Variants in BAHD1 observed in about 807,000 individuals in gnomAD.
BAHD1 encodes bromo adjacent homology domain-containing 1 protein.
In BAHD1, 20 loss-of-function variants were observed where a neutral mutation model predicts 63.1. The ratio of observed to expected loss-of-function variants is 0.32; its 90% CI spans 0.22 to 0.46. The LOEUF (loss-of-function observed/expected upper bound fraction) is 0.46, where lower values mean the gene tolerates loss of function less well. Ranked by LOEUF, BAHD1 falls within the 20% of genes least tolerant of loss-of-function variation. The probability of loss-of-function intolerance (pLI) is 1.00; values close to 1 mark genes in which losing one functional copy is unlikely to be tolerated. For missense variants in BAHD1, 939 were observed against 1,071.8 expected, an observed-to-expected ratio of 0.88 and a Z score of 1.73; for synonymous variants, 408 against 426.8, an observed-to-expected ratio of 0.96 and a Z score of 0.54.
chr15:40,462,762 G>A (rs897071567), intron 3 of BAHD1, among the ~76,000 whole-genome samples: 2 of 152,170 alleles, frequency 1.3e-5, no homozygotes, highest in African/African-American at 4.8e-5. Flanking sequence ...GGTGGTGGAA[G>A]TGGTAAGATC....
rs1442733279 is a variant in BAHD1 at position 40,465,935 on chromosome 15, C to T, written c.2154-6C>T. ...AGTAAAGACAGTGAATGGTATCTCTCTACAGGTTCTGTGCCATGGCCAAGC... is the reference window on the plus strand; with the variant it reads ...AGTAAAGACAGTGAATGGTATCTCTTTACAGGTTCTGTGCCATGGCCAAGC... On this transcript the variant is annotated splice_polypyrimidine_tract_variant and splice_region_variant and intron_variant, in intron 6 of 6. Transcript: ENST00000416165. The T allele has an allele frequency of 6.3e-7, 1 of 1,577,986 alleles. No homozygotes were observed. The highest frequency in any genetic ancestry group is 1.4e-5 in the African/African-American group (1 of 73,800).
At chr15:40,464,228 C>T (rs1894137702) in intron 4 of BAHD1, 1 of 685,982 alleles carries the variant, frequency 1.5e-6, no homozygotes. Context: ...ATTAACCTTT[C>T]CAGCCAGCAG....
chr15:40,466,223 A>T lies in BAHD1; in HGVS notation c.*93A>T. 2 of 1,016,416 alleles carry T rather than the reference A, an allele frequency of 2.0e-6. No individual in the cohort carries two copies. Among genetic ancestry groups the T allele is most frequent in the East Asian group, 3.6e-5 (1 of 28,004 alleles). The allele number at this position is 1,016,416 out of a possible 1,614,324, so 63.0% of individuals were successfully genotyped here. A position where few individuals can be genotyped will look rare whatever the true frequency, so the allele number is the denominator to read the frequency against. On this transcript the variant is annotated 3_prime_UTR_variant, in exon 7 of 7. Transcript: ENST00000416165. ...GCACAGCACTTGGTTAGGGGGCCAC[A>T]GAGGCCTAAGTTTGCTGGCCTGTGG...
chr15:40,461,758 C>CT (rs781637105), intron 2 of BAHD1, among the ~76,000 whole-genome samples, 154 bp from the exon 3 acceptor site: 6 of 152,214 alleles, frequency 3.9e-5, no homozygotes, highest in Non-Finnish European at 5.9e-5. Flanking sequence ...GAGAGTCACT[C>CT]TGACAGTCCA....
intron 1 of BAHD1, among the ~76,000 whole-genome samples, chr15:40,457,062 G>C (rs758984725): frequency 1.3e-5 from 2 of 152,202 alleles, no homozygotes; most frequent in Non-Finnish European, 2.9e-5. Context: ...AGCAAAGTTA[G>C]GGGATGATGC....
Position 40,458,767 on chromosome 15 carries a change from C to A in BAHD1, c.303C>A (p.Ser101Arg). Residue 101 changes from serine (S) to arginine (R), a missense_variant, in exon 2 of 7, where the codon AGC becomes AGA. By Grantham distance (110) the Ser-to-Arg change is moderately radical. This residue lies in a region of BAHD1 where 797 missense variants were observed against 813.3 expected (regional missense o/e 0.98). Coordinates refer to ENST00000416165, the MANE Select transcript of BAHD1 (RefSeq NM_014952.5). The surrounding 1 kb of genome is among the most constrained non-coding windows in gnomAD (Gnocchi z 4.7). ...ELPPDLPKPP[S>R]PAPSSEDPGL... ...CGCCTGACCTGCCCAAGCCCCCCAGCCCGGCCCCATCCAGTGAAGACCCTG... is the reference window on the plus strand; with the variant it reads ...CGCCTGACCTGCCCAAGCCCCCCAGACCGGCCCCATCCAGTGAAGACCCTG... 1 of 1,613,256 alleles carries A rather than the reference C, an allele frequency of 6.2e-7. No homozygotes were observed. The highest frequency in any genetic ancestry group is 8.5e-7 in the Non-Finnish European group (1 of 1,180,014).
chr15:40,449,582 T>A (rs540015707), intron 1 of BAHD1, among the ~76,000 whole-genome samples: 25 of 152,084 alleles, frequency 1.6e-4, no homozygotes, highest in South Asian at 6.2e-4. Flanking sequence ...GGAGGATCAC[T>A]TGAGGCTAGG....
intron 1 of BAHD1, among the ~76,000 whole-genome samples, chr15:40,441,978 C>A (rs1201497408): frequency 6.6e-6 from 1 of 151,892 alleles, no homozygotes; most frequent in Non-Finnish European, 1.5e-5. Flanking sequence ...CGAGTGTGGG[C>A]CGCGGGAGGC....
intron 1 of BAHD1, among the ~76,000 whole-genome samples, chr15:40,455,499 G>C (rs1407321607): frequency 6.6e-6 from 1 of 152,176 alleles, no homozygotes; most frequent in Non-Finnish European, 1.5e-5. Flanking sequence ...ACTGAGTGGG[G>C]ACAACTATCC....
intron 1 of BAHD1, among the ~76,000 whole-genome samples, chr15:40,451,707 G>A (rs918136105): frequency 6.6e-6 from 1 of 152,240 alleles, no homozygotes; most frequent in East Asian, 1.9e-4. Context: ...CTGTGGGGGG[G>A]CCAGCAAATG....
chr15:40,451,397 C>A (rs1332671126), intron 1 of BAHD1, among the ~76,000 whole-genome samples: 1 of 152,370 alleles, frequency 6.6e-6, no homozygotes, highest in South Asian at 2.1e-4. Flanking sequence ...CCTTGTCACA[C>A]TATCTTGTTC....
intron 5 of BAHD1, chr15:40,465,064 C>T (rs960210915): frequency 7.9e-6 from 4 of 504,636 alleles, no homozygotes; most frequent in Non-Finnish European, 1.1e-5. Flanking sequence ...TTTCCCCTCT[C>T]CTACGCTAGG....
At chr15:40,452,517 A>G (rs1021100406) in intron 1 of BAHD1, among the ~76,000 whole-genome samples, 2 of 152,144 alleles carry the variant, frequency 1.3e-5, no homozygotes, top group African/African-American at 4.8e-5. Flanking sequence ...GTCTGTTGGG[A>G]TAGTTTCTGC....
intron 1 of BAHD1, among the ~76,000 whole-genome samples, chr15:40,449,075 C>T (rs1342550179): frequency 1.3e-5 from 2 of 152,202 alleles, no homozygotes; most frequent in African/African-American, 2.4e-5. Context: ...CTCGGCCTCC[C>T]AAAGTGCTGG....
At chr15:40,452,287 C>G (rs578017613) in intron 1 of BAHD1, among the ~76,000 whole-genome samples, 13 of 152,332 alleles carry the variant, frequency 8.5e-5, no homozygotes, top group African/African-American at 3.1e-4. Context: ...CTCTCTCTCT[C>G]TCTTTGAGGA....
In BAHD1 at chr15:40,465,361, G is replaced by A. The variant is rs151097414; in HGVS notation, c.2079G>A (p.Ser693=). The A allele has an allele frequency of 6.9e-5, 112 of 1,614,122 alleles. No homozygotes were observed. Among genetic ancestry groups the A allele is most frequent in the East Asian group, 3.3e-4 (15 of 44,882 alleles). The change falls in exon 6 of 7, where the codon TCG becomes TCA. Residue 693 remains serine (S), a synonymous_variant. Transcript: ENST00000416165. ...CCTTGCAGAATGAAGTGTTTGCATC[G>A]CGACATCAGGACCAGAACAGTGTGG... The part of the protein sequence containing the change: ...HEPLQNEVFA[S]RHQDQNSVAC...
intron 1 of BAHD1, among the ~76,000 whole-genome samples, chr15:40,442,878 C>T (rs1453017643): frequency 6.6e-6 from 1 of 152,186 alleles, no homozygotes; most frequent in South Asian, 2.1e-4. Context: ...CCCAGAGGGA[C>T]CACATGTCTT....
At chr15:40,444,027 G>T (rs1893471340) in intron 1 of BAHD1, among the ~76,000 whole-genome samples, 1 of 152,140 alleles carries the variant, frequency 6.6e-6, no homozygotes, top group Non-Finnish European at 1.5e-5. Flanking sequence ...CATGACTCTG[G>T]ATTTTCTAAC....
At chr15:40,442,422 G>A (rs1429067554) in intron 1 of BAHD1, among the ~76,000 whole-genome samples, 1 of 152,204 alleles carries the variant, frequency 6.6e-6, no homozygotes, top group Non-Finnish European at 1.5e-5. Flanking sequence ...GGCCGGGGTG[G>A]GGGTGTATGC....
Sources: allele counts gnomAD v4.1 joint callset (sites outside exome capture counted in the v4.1 genomes callset), GRCh38; gene constraint gnomAD v4.1.1; regional missense constraint gnomAD v4.1.1; non-coding constraint Gnocchi (gnomAD v3.1); transcripts MANE v1.5; gene names NCBI Gene and HGNC (gene_info 2026-07-23, HGNC 2026-07-21).